The following FARS2 variants were observed in gnomAD, a reference collection of about 807,000 sequenced individuals.
FARS2 encodes the protein phenylalanyl-tRNA synthetase 2, mitochondrial.
In FARS2, 40 loss-of-function variants were observed where a neutral mutation model predicts 46.4. The observed-to-expected ratio is 0.86, with a 90% CI of 0.67 to 1.12. The LOEUF (loss-of-function observed/expected upper bound fraction) is 1.12. Ranked by LOEUF, FARS2 falls within the 50% of genes most tolerant of loss-of-function variation. The probability of loss-of-function intolerance (pLI) is 0.00; values close to 1 mark genes in which losing one functional copy is unlikely to be tolerated. For missense variants in FARS2, 513 were observed against 567.9 expected, an observed-to-expected ratio of 0.90 and a Z score of 0.98; for synonymous variants, 234 against 214.9, an observed-to-expected ratio of 1.09 and a Z score of -0.78.
chr6:5,756,037 C>T (rs1244411936), intron 6 of FARS2, among the ~76,000 whole-genome samples: 1 of 152,222 alleles, frequency 6.6e-6, no homozygotes, highest in African/African-American at 2.4e-5. Context: ...TCTGCTGTTA[C>T]ATCAAGGGTG....
At chr6:5,536,723 G>A (rs1480279301) in intron 4 of FARS2, among the ~76,000 whole-genome samples, 3 of 152,154 alleles carry the variant, frequency 2.0e-5, no homozygotes, top group Non-Finnish European at 4.4e-5. Context: ...TCTCCAAAAG[G>A]TTAAATAGGT....
At chr6:5,678,109 C>T (rs1428424598) in intron 6 of FARS2, among the ~76,000 whole-genome samples, 1 of 152,060 alleles carries the variant, frequency 6.6e-6, no homozygotes, top group African/African-American at 2.4e-5. Context: ...AGGGGGAACT[C>T]AGTGAGAAAC....
intron 5 of FARS2, among the ~76,000 whole-genome samples, chr6:5,577,990 A>G (rs1249305565): frequency 6.6e-6 from 1 of 151,854 alleles, no homozygotes. Context: ...TTTAGTAGAG[A>G]ATGGGTTTCA....
chr6:5,593,933 C>T (rs992201363), intron 5 of FARS2, among the ~76,000 whole-genome samples: 1 of 152,186 alleles, frequency 6.6e-6, no homozygotes, highest in Non-Finnish European at 1.5e-5. Flanking sequence ...AGCTAAATCC[C>T]TGGCTAAGGG....
chr6:5,398,168 C>G (rs1000690043), intron 2 of FARS2, among the ~76,000 whole-genome samples: 1 of 152,130 alleles, frequency 6.6e-6, no homozygotes, highest in African/African-American at 2.4e-5. Context: ...AAATAGTTCT[C>G]ATAATATTTT....
At chr6:5,743,329 C>T (rs1352572871) in intron 6 of FARS2, among the ~76,000 whole-genome samples, 1 of 152,172 alleles carries the variant, frequency 6.6e-6, no homozygotes, top group Non-Finnish European at 1.5e-5. Context: ...CCAGCCCTAA[C>T]ACTGGAATCC....
At chr6:5,260,742 G>GAAA (rs561083109), upstream of FARS2, 31 of 1,519,660 alleles carry the variant, frequency 2.0e-5, no homozygotes, top group African/African-American at 2.6e-4. Context: ...ATTTTGGAAA[G>GAAA]AAAAAAAAAT....
chr6:5,533,914 G>A (rs963768707), intron 4 of FARS2, among the ~76,000 whole-genome samples: 3 of 152,214 alleles, frequency 2.0e-5, no homozygotes, highest in South Asian at 2.1e-4. Context: ...CTTTTGTTAC[G>A]CTGTGAAATG....
chr6:5,271,541 A>G (rs1226117144), intron 1 of FARS2, among the ~76,000 whole-genome samples: 2 of 151,388 alleles, frequency 1.3e-5, no homozygotes, highest in Non-Finnish European at 2.9e-5. Context: ...GGCTGTGTAT[A>G]AGAACAGAGA....
At chr6:5,624,120 T>C (rs1013362126) in intron 6 of FARS2, among the ~76,000 whole-genome samples, 12 of 150,254 alleles carry the variant, frequency 8.0e-5, no homozygotes, top group Non-Finnish European at 1.5e-4. Context: ...GTGATGTGGG[T>C]ATAAGAACTT....
At chr6:5,642,510 CCAT>C (rs1258046006) in intron 6 of FARS2, among the ~76,000 whole-genome samples, 1 of 152,194 alleles carries the variant, frequency 6.6e-6, no homozygotes. Context: ...TATTCTTTCT[CCAT>C]CTAAAGCAGT....
chr6:5,392,158 G>T (rs865801903), intron 2 of FARS2, among the ~76,000 whole-genome samples: 7 of 152,158 alleles, frequency 4.6e-5, no homozygotes, highest in African/African-American at 1.7e-4. Flanking sequence ...ATGTCTAATT[G>T]GCTGAGTGAT....
At chr6:5,545,435 ATTTAT>A (rs1179353446) in intron 5 of FARS2, 95 bp downstream of exon 5, 2 of 906,618 alleles carry the variant, frequency 2.2e-6, no homozygotes, top group Non-Finnish European at 3.2e-6. Context: ...ATTTTATTTT[ATTTAT>A]TTTATTTTAT....
chr6:5,380,210 C>G (rs1159386202), intron 2 of FARS2, among the ~76,000 whole-genome samples: 1 of 152,078 alleles, frequency 6.6e-6, no homozygotes, highest in Non-Finnish European at 1.5e-5. Flanking sequence ...GCTCCTGAAC[C>G]AATAATAGCA....
rs10536563 is a variant in FARS2, at chr6:5,756,497, G to GGA, written c.1218-14780_1218-14779dup. Among the ~76,000 whole-genome samples the GGA allele has an allele frequency of 6.2e-3, 939 of 151,524 alleles. 8 individuals are homozygous for GGA. Among genetic ancestry groups the GGA allele is most frequent in the African/African-American group, 0.021 (884 of 41,306 alleles). The stretch of plus-strand genomic sequence containing the variant: ...AGACATGTCTTACCATGGCAGAGCA[G>GGA]GAGAGAGAGAGAGAGCGAGGGGGAA... On this transcript the variant is annotated intron_variant, in intron 6 of 6. Coordinates refer to ENST00000274680, the MANE Select transcript of FARS2 (RefSeq NM_006567.5).
At chr6:5,444,088 T>C (rs1204033732) in intron 4 of FARS2, among the ~76,000 whole-genome samples, 1 of 129,266 alleles carries the variant, frequency 7.7e-6, no homozygotes. Flanking sequence ...ATATGGAAGA[T>C]CCTCGTGTGT....
chr6:5,287,453 T>G (rs1767202631), intron 1 of FARS2, among the ~76,000 whole-genome samples: 1 of 152,166 alleles, frequency 6.6e-6, no homozygotes, highest in African/African-American at 2.4e-5. Context: ...ATCCTGATTC[T>G]CTTTTTGGCA....
rs13197072 is a variant in FARS2, at chr6:5,270,880, A to T, written c.-22+9220A>T. Among the ~76,000 whole-genome samples, 1,265 of 152,250 alleles carry T rather than the reference A, an allele frequency of 8.3e-3. 19 individuals carry two copies. Among genetic ancestry groups the T allele is most frequent in the African/African-American group, 0.027 (1,137 of 41,538 alleles). On this transcript the variant is annotated intron_variant, in intron 1 of 6. Coordinates refer to ENST00000274680, the MANE Select transcript of FARS2 (RefSeq NM_006567.5). ...TGCAAATGCTGATCCAGCTGCCTGG[A>T]GTGCCCTTCCTTCCCTTGCTAATTA... is the stretch of plus-strand genomic sequence containing the variant.
At chr6:5,257,811 T>C (rs1764752859), upstream of FARS2, among the ~76,000 whole-genome samples, 1 of 152,120 alleles carries the variant, frequency 6.6e-6, no homozygotes, top group Non-Finnish European at 1.5e-5. Context: ...TCCATGAAAT[T>C]GGTTCCTGGT....
Sources: gnomAD v4.1 joint callset for allele counts (sites outside exome capture counted in the v4.1 genomes callset) on GRCh38, gnomAD v4.1.1 for gene constraint, MANE v1.5 for transcripts, NCBI Gene and HGNC (gene_info 2026-07-23, HGNC 2026-07-21) for gene names.